Variants in CKMT2 observed in about 807,000 individuals in gnomAD.
CKMT2 encodes creatine kinase S-type, mitochondrial.
In CKMT2, 43 loss-of-function variants were observed where a neutral mutation model predicts 48.9. The ratio of observed to expected loss-of-function variants is 0.88; its 90% CI spans 0.69 to 1.13. The LOEUF (loss-of-function observed/expected upper bound fraction) is 1.13. CKMT2 is among the 50% of genes most tolerant of loss of function. The pLI is 0.00. For synonymous variants in CKMT2, 206 were observed against 213.0 expected (o/e 0.97, Z 0.29); for missense variants, 472 against 555.4 (o/e 0.85, Z 1.51).
Position 81,266,389 on chromosome 5 carries a change from C to A in CKMT2, c.*131C>A. On this transcript the variant is annotated 3_prime_UTR_variant, in exon 10 of 10. Coordinates refer to ENST00000254035, the MANE Select transcript of CKMT2 (RefSeq NM_001099735.2). ...CTGCCTATCTTTACAATAAAACTCTCCTTAATATATCTTTGCTTTGTTTCT... is the reference window on the plus strand; with the variant it reads ...CTGCCTATCTTTACAATAAAACTCTACTTAATATATCTTTGCTTTGTTTCT... 1 of 792,914 alleles carries A rather than the reference C, an allele frequency of 1.3e-6. No individual in the cohort carries two copies. The highest frequency in any genetic ancestry group is 1.9e-6 in the Non-Finnish European group (1 of 516,902). 49.1% of individuals were successfully genotyped at this position (792,914 alleles called of 1,614,324 possible).
chr5:81,265,486 T>TACAAGTCATTTGCTTAGG (rs1197556028), intron 9 of CKMT2, among the ~76,000 whole-genome samples: 3 of 152,100 alleles, frequency 2.0e-5, no homozygotes, highest in Non-Finnish European at 4.4e-5. Flanking sequence ...TTGGGGGCAG[T>TACAAGTCATTTGCTTAGG]ACAAGTCATT....
At chr5:81,241,541 C>A (rs1756434531) in intron 1 of CKMT2, among the ~76,000 whole-genome samples, 1 of 152,164 alleles carries the variant, frequency 6.6e-6, no homozygotes, top group South Asian at 2.1e-4. Context: ...ATTTAAGCAC[C>A]TGGCTCCAAG....
chr5:81,242,910 A>C (rs1452754163), intron 1 of CKMT2, among the ~76,000 whole-genome samples: 4 of 152,238 alleles, frequency 2.6e-5, no homozygotes, highest in Non-Finnish European at 4.4e-5. Context: ...GGAATAGGTC[A>C]AGATGCTATC....
chr5:81,264,370 A>T (rs538185710), intron 9 of CKMT2, among the ~76,000 whole-genome samples: 1 of 152,236 alleles, frequency 6.6e-6, no homozygotes, highest in South Asian at 2.1e-4. Flanking sequence ...TCATAACAAA[A>T]CCCTTAATAA....
intron 8 of CKMT2, among the ~76,000 whole-genome samples, chr5:81,260,929 G>A (rs755534915): frequency 6.6e-6 from 1 of 152,038 alleles, no homozygotes; most frequent in African/African-American, 2.4e-5. Context: ...AAAATTTCAC[G>A]GCAATATCTC....
intron 8 of CKMT2, among the ~76,000 whole-genome samples, chr5:81,260,077 G>A (rs1332106133): frequency 2.6e-5 from 4 of 152,060 alleles, no homozygotes; most frequent in East Asian, 1.9e-4. Flanking sequence ...ACTCAAAACC[G>A]CACGAATACA....
At chr5:81,233,938 G>A (rs1332133833) in intron 1 of CKMT2, among the ~76,000 whole-genome samples, 4 of 147,726 alleles carry the variant, frequency 2.7e-5, no homozygotes, top group East Asian at 4.0e-4. Context: ...CAGTTTTGCC[G>A]TCACTAATAC....
At chr5:81,242,322 A>C in intron 1 of CKMT2, 1 of 372,366 alleles carries the variant, frequency 2.7e-6, no homozygotes, top group Non-Finnish European at 5.1e-6. Context: ...TGTGAGACAA[A>C]GGTTTGTTCA....
At position 81,260,003 on chromosome 5, in the gene CKMT2, C is replaced by T. The variant is rs533628071; in HGVS notation, c.1014+749C>T. ...ACACTCCTCAGCAAATGCAAAAGAA[C>T]GGATATCATAACAGTCTCTCAGACC... On this transcript the variant is annotated intron_variant, in intron 8 of 9. Coordinates refer to ENST00000254035, the MANE Select transcript of CKMT2 (RefSeq NM_001099735.2). Among the ~76,000 whole-genome samples, 19 of 152,176 alleles carry T rather than the reference C, an allele frequency of 1.2e-4. No homozygotes were observed. In the East Asian group the frequency reaches 2.5e-3, roughly 20 times the overall value.
chr5:81,254,095 A>C (rs1395255257), intron 3 of CKMT2, among the ~76,000 whole-genome samples: 20 of 152,232 alleles, frequency 1.3e-4, no homozygotes, highest in Admixed American at 1.3e-3. Context: ...TTTCTTGCTC[A>C]ATCTGATGGC....
intron 9 of CKMT2, among the ~76,000 whole-genome samples, chr5:81,265,566 T>C (rs1029963448): frequency 2.0e-5 from 3 of 152,196 alleles, no homozygotes; most frequent in Non-Finnish European, 4.4e-5. Context: ...AAACAAATAT[T>C]TGGAAACCAA....
chr5:81,246,503 C>A (rs1048512355), intron 1 of CKMT2, among the ~76,000 whole-genome samples: 1 of 152,144 alleles, frequency 6.6e-6, no homozygotes, highest in African/African-American at 2.4e-5. Flanking sequence ...TCCCCACCTA[C>A]GATGATTTTG....
chr5:81,238,884 T>C (rs1239696992), intron 1 of CKMT2: 1 of 152,278 alleles, frequency 6.6e-6, no homozygotes, highest in Non-Finnish European at 1.5e-5. Context: ...TAGGTTTTTA[T>C]AGTGATCTGT....
intron 1 of CKMT2, among the ~76,000 whole-genome samples, chr5:81,233,703 A>G (rs1240380370): frequency 1.3e-5 from 2 of 152,176 alleles, no homozygotes; most frequent in East Asian, 3.9e-4. Context: ...TTTTGACGCT[A>G]AGTTTGGGAC....
chr5:81,259,415 A>G, intron 8 of CKMT2, 161 bp downstream of exon 8: 1 of 566,102 alleles, frequency 1.8e-6, no homozygotes, highest in East Asian at 3.1e-5. Context: ...AGACATTTGT[A>G]TTAGTTAGAA....
At chr5:81,264,601 T>C (rs1179680115) in intron 9 of CKMT2, among the ~76,000 whole-genome samples, 2 of 152,180 alleles carry the variant, frequency 1.3e-5, no homozygotes, top group Non-Finnish European at 2.9e-5. Flanking sequence ...TGAAATTTAC[T>C]GAATAATGTG....
intron 1 of CKMT2, chr5:81,242,477 T>C (rs1204105143): frequency 1.0e-5 from 5 of 498,430 alleles, no homozygotes. Flanking sequence ...CTCATTCCCC[T>C]AGTTTCTTGT....
In CKMT2 at chr5:81,256,996, A is replaced by G; in HGVS notation, c.751A>G (p.Ile251Val). 1.2e-6 allele frequency: 2 copies of G among 1,612,670 alleles called. No individual in the cohort carries two copies. ...CCGTGACTGGCCAGATGCCAGGGGA[A>G]TCTGGTATGGATGCAGCATTTTCAC... ...MARDWPDARG[I>V]WHNYDKTFLI... The change falls in exon 6 of 10, where the codon ATC (isoleucine) becomes GTC (valine). Residue 251 changes from isoleucine (I) to valine (V), a missense_variant. By Grantham distance (29) the Ile-to-Val change is conservative. Transcript: ENST00000254035.
chr5:81,243,482 T>C (rs551254879), intron 1 of CKMT2, among the ~76,000 whole-genome samples: 1 of 152,256 alleles, frequency 6.6e-6, no homozygotes, highest in Admixed American at 6.5e-5. Context: ...AGCAAACCAA[T>C]ATTTTAAAAA....
Sources: allele counts gnomAD v4.1 joint callset (sites outside exome capture counted in the v4.1 genomes callset), GRCh38; gene constraint gnomAD v4.1.1; transcripts MANE v1.5; gene names NCBI Gene and HGNC (gene_info 2026-07-23, HGNC 2026-07-21).